ADGRB3: variants seen among roughly 807,000 people sequenced by gnomAD.
ADGRB3 encodes brain-specific angiogenesis inhibitor 3.
A neutral mutation model predicts 193.4 loss-of-function variants in ADGRB3; 37 were observed. The ratio of observed to expected loss-of-function variants is 0.19; its 90% CI spans 0.15 to 0.25. The LOEUF is 0.25. Ranked by LOEUF, ADGRB3 falls within the 10% of genes least tolerant of loss-of-function variation. The probability of loss-of-function intolerance (pLI) is 1.00; values close to 1 mark genes in which losing one functional copy is unlikely to be tolerated. For synonymous variants in ADGRB3, 690 were observed against 644.2 expected (o/e 1.07, Z -1.08); for missense variants, 1,637 against 1,852.9 (o/e 0.88, Z 2.14).
chr6:69,339,289 G>A (rs1768922914), intron 25 of ADGRB3, 44 bp from the exon 26 acceptor site: 7 of 1,596,778 alleles, frequency 4.4e-6, no homozygotes, highest in Non-Finnish European at 6.0e-6. Flanking sequence ...ATGGCCTGGG[G>A]TGTGATGTAT....
chr6:69,223,192 T>C (rs890128243), intron 17 of ADGRB3, among the ~76,000 whole-genome samples: 5 of 152,190 alleles, frequency 3.3e-5, no homozygotes, highest in African/African-American at 7.2e-5. Flanking sequence ...TATATAAATG[T>C]CCAGTGAACC....
At chr6:68,803,904 C>G (rs1767356501) in intron 3 of ADGRB3, among the ~76,000 whole-genome samples, 1 of 152,150 alleles carries the variant, frequency 6.6e-6, no homozygotes. Flanking sequence ...TATCTTCATT[C>G]TCATTATCTT....
Position 69,324,875 on chromosome 6 carries a change from A to G in ADGRB3, c.2818A>G (p.Ile940Val), listed in dbSNP as rs1768535050. Residue 940 changes from isoleucine to valine, a missense_variant, in exon 21 of 32, where the codon ATC (isoleucine) becomes GTC (valine). Coordinates refer to ENST00000370598, the MANE Select transcript of ADGRB3 (RefSeq NM_001704.3). ...VGQTQTHNKSICTTTTAFLHF... is the reference protein window; with the variant it reads ...VGQTQTHNKSVCTTTTAFLHF... ...TTTTGTTTGTTTGTTTCCACAGAGT[A>G]TCTGCACAACCACCACTGCATTTTT... is the stretch of plus-strand genomic sequence containing the variant. 2 of 1,613,332 alleles carry G rather than the reference A, an allele frequency of 1.2e-6. No individual in the cohort carries two copies. Among genetic ancestry groups the G allele is most frequent in the Non-Finnish European group, 1.7e-6 (2 of 1,179,544 alleles).
At chr6:68,877,476 G>A (rs1765625675) in intron 3 of ADGRB3, among the ~76,000 whole-genome samples, 1 of 151,922 alleles carries the variant, frequency 6.6e-6, no homozygotes, top group African/African-American at 2.4e-5. Flanking sequence ...TTCACATAAG[G>A]CTACTTTAGG....
At position 69,304,684 on chromosome 6, in the gene ADGRB3, G is replaced by C. The variant is rs1768027681; in HGVS notation, c.2815-20188G>C. Among the ~76,000 whole-genome samples, 3 of 151,482 alleles carry C rather than the reference G, an allele frequency of 2.0e-5. No homozygotes were observed. The South Asian group carries it at 6.2e-4, about 31-fold the overall frequency. ...ATTGTATGCAGTAGTTAACAGTATA[G>C]AACTTGGTGATAGATTATATTCTTG... On this transcript the variant is annotated intron_variant, in intron 20 of 31. Transcript: ENST00000370598.
intron 16 of ADGRB3, among the ~76,000 whole-genome samples, chr6:69,068,955 T>G (rs1019512741): frequency 6.6e-6 from 1 of 152,134 alleles, no homozygotes; most frequent in Non-Finnish European, 1.5e-5. Context: ...TCCATCTTAG[T>G]TTGTCTAGTT....
At chr6:69,109,590 T>A (rs967816290) in intron 17 of ADGRB3, among the ~76,000 whole-genome samples, 1 of 152,160 alleles carries the variant, frequency 6.6e-6, no homozygotes, top group African/African-American at 2.4e-5. Flanking sequence ...GAAAATTAGC[T>A]TTATAGGAGT....
chr6:68,984,950 G>A (rs1378972325), intron 10 of ADGRB3, among the ~76,000 whole-genome samples: 1 of 151,888 alleles, frequency 6.6e-6, no homozygotes, highest in Non-Finnish European at 1.5e-5. Flanking sequence ...CTAAGAGTGA[G>A]GATTTAGGAG....
chr6:69,247,729 A>T (rs533544764), intron 20 of ADGRB3, among the ~76,000 whole-genome samples: 1 of 152,262 alleles, frequency 6.6e-6, no homozygotes, highest in South Asian at 2.1e-4. Context: ...GGATTTAAAA[A>T]CCATTAATAC....
intron 10 of ADGRB3, among the ~76,000 whole-genome samples, chr6:68,986,477 C>T (rs1769079648): frequency 6.6e-6 from 1 of 152,170 alleles, no homozygotes; most frequent in Non-Finnish European, 1.5e-5. Context: ...AACACAAACT[C>T]TTCGTATCAA....
chr6:69,365,620 G>A (rs563186454), intron 29 of ADGRB3, among the ~76,000 whole-genome samples: 1 of 152,092 alleles, frequency 6.6e-6, no homozygotes, highest in East Asian at 1.9e-4. Flanking sequence ...ATTACAAAAT[G>A]CTTACCCAAA....
At chr6:69,312,005 CA>C (rs1768205746) in intron 20 of ADGRB3, among the ~76,000 whole-genome samples, 1 of 151,738 alleles carries the variant, frequency 6.6e-6, no homozygotes, top group African/African-American at 2.4e-5. Flanking sequence ...TTTCTTTTAT[CA>C]ACTTCTTTAG....
At chr6:68,775,145 T>A (rs868317046) in intron 3 of ADGRB3, among the ~76,000 whole-genome samples, 4 of 115,664 alleles carry the variant, frequency 3.5e-5, no homozygotes, top group South Asian at 2.9e-4. Context: ...AGCTGCTTGT[T>A]AAAAAAAAAA....
chr6:68,882,344 A>G (rs759063479), intron 3 of ADGRB3, among the ~76,000 whole-genome samples: 3 of 152,194 alleles, frequency 2.0e-5, no homozygotes, highest in Admixed American at 6.5e-5. Context: ...TTATACTTTC[A>G]TGTATAACAT....
intron 3 of ADGRB3, among the ~76,000 whole-genome samples, chr6:68,912,631 T>A (rs1265817766): frequency 6.6e-6 from 1 of 152,148 alleles, no homozygotes; most frequent in African/African-American, 2.4e-5. Flanking sequence ...TGGTGTTTTG[T>A]CCTTGCGATA....
intron 3 of ADGRB3, among the ~76,000 whole-genome samples, chr6:68,848,763 A>G (rs1768339231): frequency 6.6e-6 from 1 of 152,050 alleles, no homozygotes; most frequent in South Asian, 2.1e-4. Flanking sequence ...TTTTGTCAAA[A>G]TTGGTTCACC....
intron 19 of ADGRB3, among the ~76,000 whole-genome samples, chr6:69,238,096 A>T (rs976668185): frequency 6.6e-6 from 1 of 151,948 alleles, no homozygotes; most frequent in Non-Finnish European, 1.5e-5. Context: ...AAAGACAGGG[A>T]GAGAGAGAGA....
chr6:69,320,825 A>ATGTG (rs5877204), intron 20 of ADGRB3, among the ~76,000 whole-genome samples: 6,446 of 146,306 alleles, frequency 0.044, 429 homozygotes, highest in African/African-American at 0.14. Context: ...GCATGTGTGT[A>ATGTG]TGTGTGTGTG....
rs79582312 is a variant in ADGRB3, at chr6:68,752,866, T to C, written c.757+113434T>C. Among the ~76,000 whole-genome samples, 1,235 of 152,310 alleles carry C rather than the reference T, an allele frequency of 8.1e-3. 8 individuals carry two copies. The highest frequency in any genetic ancestry group is 0.026 in the African/African-American group (1,073 of 41,574). On this transcript the variant is annotated intron_variant, in intron 3 of 31. Coordinates refer to ENST00000370598, the MANE Select transcript of ADGRB3 (RefSeq NM_001704.3). ...GATATTTCAGTGATGGGAAAAATTG[T>C]AAGCAAACTAACTTCAAAAATTCAA...
Sources: gnomAD v4.1 joint callset for allele counts (sites outside exome capture counted in the v4.1 genomes callset) on GRCh38, gnomAD v4.1.1 for gene constraint, MANE v1.5 for transcripts, NCBI Gene and HGNC (gene_info 2026-07-23, HGNC 2026-07-21) for gene names.